Variants in CERS6 observed in about 807,000 individuals in gnomAD.
CERS6 encodes the protein ceramide synthase 6.
A neutral mutation model predicts 56.8 loss-of-function variants in CERS6; 26 were observed. The observed-to-expected ratio is 0.46, with a 90% CI of 0.34 to 0.63. The LOEUF (loss-of-function observed/expected upper bound fraction) is 0.63, where lower values mean the gene tolerates loss of function less well. Among genes scored for constraint, CERS6 ranks in the 30% least tolerant of loss-of-function variants. The pLI is 0.01. For missense variants in CERS6, 415 were observed against 467.5 expected (o/e 0.89, Z 1.04); for synonymous variants, 164 against 173.3 (o/e 0.95, Z 0.42).
intron 1 of CERS6, among the ~76,000 whole-genome samples, chr2:168,541,785 T>C (rs1216454689): frequency 6.6e-6 from 1 of 152,230 alleles, no homozygotes; most frequent in Non-Finnish European, 1.5e-5. Context: ...CAGTTTACCT[T>C]GTACATTCAT....
intron 3 of CERS6, among the ~76,000 whole-genome samples, chr2:168,574,275 A>G (rs1214896933): frequency 2.0e-5 from 3 of 152,154 alleles, no homozygotes; most frequent in Non-Finnish European, 4.4e-5. Context: ...TCCTGGCTAA[A>G]TCTTTGGCGT....
intron 8 of CERS6, among the ~76,000 whole-genome samples, chr2:168,756,507 G>T (rs1186034259): frequency 6.6e-6 from 1 of 152,084 alleles, no homozygotes; most frequent in African/African-American, 2.4e-5. Context: ...AAGTGGGGTG[G>T]GCCAAAGTGG....
chr2:168,618,735 A>G (rs1684387004), intron 3 of CERS6, among the ~76,000 whole-genome samples: 2 of 152,248 alleles, frequency 1.3e-5, no homozygotes, highest in South Asian at 2.1e-4. Flanking sequence ...CATAGATGAC[A>G]TAAGCAAATG....
intron 3 of CERS6, among the ~76,000 whole-genome samples, chr2:168,604,004 G>A (rs1006320269): frequency 5.3e-5 from 8 of 152,174 alleles, no homozygotes; most frequent in African/African-American, 1.9e-4. Flanking sequence ...GTTTACTTCT[G>A]CAGTGGAATT....
Position 168,773,985 on chromosome 2 carries a change from G to A in CERS6, c.*4323G>A, listed in dbSNP as rs899522051. Reference sequence around the variant, plus strand: ...GATGCTTGTTTTCGTGGAGAAAATTGTATTGGAGAACTTAAAACATCACGA... The same window carrying A: ...GATGCTTGTTTTCGTGGAGAAAATTATATTGGAGAACTTAAAACATCACGA... On this transcript the variant is annotated 3_prime_UTR_variant, in exon 10 of 10. Transcript: ENST00000305747. 1.3e-5 allele frequency: 2 copies of A among 152,166 alleles called. No individual in the cohort carries two copies. Among genetic ancestry groups the A allele is most frequent in the African/African-American group, 4.8e-5 (2 of 41,434 alleles). The allele number at this position is 152,166 out of a possible 1,614,324, so 9.4% of individuals were successfully genotyped here.
intron 1 of CERS6, among the ~76,000 whole-genome samples, chr2:168,474,980 T>C (rs957940534): frequency 1.3e-5 from 2 of 152,314 alleles, no homozygotes; most frequent in African/African-American, 4.8e-5. Flanking sequence ...TCATTCAGCA[T>C]GTAAACAAGC....
Position 168,456,885 on chromosome 2 carries a change from G to C in CERS6, c.170+267G>C, listed in dbSNP as rs552078409. The stretch of plus-strand genomic sequence containing the variant: ...GCCCCCTGCCCTCCTCCTGGGCCCT[G>C]CTCTCCTCCCGGCAAGGGCAGGCGA... On this transcript the variant is annotated intron_variant, in intron 1 of 9. Transcript: ENST00000305747. The surrounding 1 kb of genome is among the most constrained non-coding windows in gnomAD (Gnocchi z 4.1). 2.3e-4 allele frequency among the ~76,000 whole-genome samples: 35 copies of C among 152,314 alleles called. No homozygotes were observed. The highest frequency in any genetic ancestry group is 8.4e-4 in the African/African-American group (35 of 41,582).
chr2:168,521,297 G>A (rs1574040006), intron 1 of CERS6, among the ~76,000 whole-genome samples: 1 of 152,180 alleles, frequency 6.6e-6, no homozygotes, highest in Non-Finnish European at 1.5e-5. Context: ...GGGACAGTGG[G>A]GAAACCAGAG....
intron 2 of CERS6, among the ~76,000 whole-genome samples, chr2:168,559,975 T>C (rs1382861088): frequency 1.3e-5 from 2 of 151,646 alleles, no homozygotes; most frequent in African/African-American, 2.4e-5. Context: ...TCTAACACAT[T>C]GAATAGAGGG....
At chr2:168,514,890 T>G (rs16855428) in intron 1 of CERS6, among the ~76,000 whole-genome samples, 1,842 of 152,288 alleles carry the variant, frequency 0.012, 22 homozygotes, top group African/African-American at 0.028. Context: ...TATAGTTCAC[T>G]CGGCCAGCAT....
intron 4 of CERS6, among the ~76,000 whole-genome samples, chr2:168,632,154 C>T (rs921909189): frequency 6.6e-6 from 1 of 151,828 alleles, no homozygotes. Context: ...GAAGGCCTAT[C>T]TTCTCATAGT....
intron 4 of CERS6, among the ~76,000 whole-genome samples, chr2:168,638,367 A>G (rs948295630): frequency 6.6e-6 from 1 of 152,136 alleles, no homozygotes; most frequent in Admixed American, 6.6e-5. Context: ...TGGTTGGACT[A>G]AGAAAAATGT....
intron 1 of CERS6, among the ~76,000 whole-genome samples, chr2:168,496,697 G>A (rs1282085849): frequency 2.0e-5 from 3 of 152,070 alleles, no homozygotes; most frequent in Non-Finnish European, 4.4e-5. Context: ...ATTATTTGTA[G>A]AGTACTTATA....
At chr2:168,701,639 T>C (rs896830560) in intron 6 of CERS6, among the ~76,000 whole-genome samples, 3 of 152,138 alleles carry the variant, frequency 2.0e-5, no homozygotes, top group African/African-American at 7.2e-5. Context: ...CCATGGGGAA[T>C]TGGTTCCAGG....
intron 4 of CERS6, among the ~76,000 whole-genome samples, chr2:168,650,174 G>C (rs886281900): frequency 6.6e-6 from 1 of 152,208 alleles, no homozygotes; most frequent in Non-Finnish European, 1.5e-5. Flanking sequence ...CAGGGGAATA[G>C]ATAGCTGAAG....
intron 4 of CERS6, among the ~76,000 whole-genome samples, chr2:168,649,032 C>T (rs1399330480): frequency 6.6e-6 from 1 of 152,064 alleles, no homozygotes. Flanking sequence ...AGTTTAGGCG[C>T]TGAATATCCT....
At chr2:168,461,111 C>T (rs1027096154) in intron 1 of CERS6, among the ~76,000 whole-genome samples, 1 of 152,004 alleles carries the variant, frequency 6.6e-6, no homozygotes, top group African/African-American at 2.4e-5. Flanking sequence ...GGAATTTGTT[C>T]CTCAGTGTTC....
chr2:168,647,823 G>C (rs1574127365), intron 4 of CERS6, among the ~76,000 whole-genome samples: 1 of 152,102 alleles, frequency 6.6e-6, no homozygotes, highest in South Asian at 2.1e-4. Flanking sequence ...TTATTGATTT[G>C]CGTATGTTGA....
intron 6 of CERS6, among the ~76,000 whole-genome samples, chr2:168,709,179 A>G (rs1336495249): frequency 5.9e-5 from 9 of 152,114 alleles, no homozygotes; most frequent in Non-Finnish European, 1.3e-4. Flanking sequence ...TCATTCTAAC[A>G]GTTGGGGATG....
Sources: allele counts gnomAD v4.1 joint callset (sites outside exome capture counted in the v4.1 genomes callset), GRCh38; gene constraint gnomAD v4.1.1; non-coding constraint Gnocchi (gnomAD v3.1); transcripts MANE v1.5; gene names NCBI Gene and HGNC (gene_info 2026-07-23, HGNC 2026-07-21).